FAM114A1: variants seen among roughly 807,000 people sequenced by gnomAD.
The protein encoded by FAM114A1 is family with sequence similarity 114 member A1, also known as protein NOXP20.
In FAM114A1, 62 loss-of-function variants were observed where a neutral mutation model predicts 64.3. The ratio of observed to expected loss-of-function variants is 0.96; its 90% CI spans 0.79 to 1.19. The LOEUF (loss-of-function observed/expected upper bound fraction) is 1.19. Ranked by LOEUF, FAM114A1 falls within the 50% of genes most tolerant of loss-of-function variation. The pLI, the probability that FAM114A1 is intolerant of heterozygous loss-of-function variation, is 0.00. For synonymous variants in FAM114A1, 254 were observed against 251.1 expected, an observed-to-expected ratio of 1.01 and a Z score of -0.11; for missense variants, 645 against 676.3, an observed-to-expected ratio of 0.95 and a Z score of 0.51.
intron 4 of FAM114A1, among the ~76,000 whole-genome samples, chr4:38,899,240 C>T (rs1025376303): frequency 3.3e-5 from 5 of 152,114 alleles, no homozygotes; most frequent in Admixed American, 2.0e-4. Context: ...AAGGGAGAAG[C>T]TGAACTGCAG....
chr4:38,902,041 T>C (rs1303147606), intron 4 of FAM114A1, among the ~76,000 whole-genome samples: 1 of 152,224 alleles, frequency 6.6e-6, no homozygotes, highest in Non-Finnish European at 1.5e-5. Context: ...TAAAATGACA[T>C]TTAATCAACT....
Position 38,931,546 on chromosome 4 carries a change from A to G in FAM114A1, c.1257A>G (p.Glu419=), listed in dbSNP as rs757552495. The change falls in exon 11 of 15, where the codon GAA becomes GAG. Residue 419 remains glutamate (E), a synonymous_variant. Coordinates refer to ENST00000358869, the MANE Select transcript of FAM114A1 (RefSeq NM_138389.4). ...KVSEEETKKE[E]KEEKSQDPQE... ...CCGAAGAAGAAACAAAGAAGGAAGA[A>G]AAGGAAGAGAAATCTCAAGACCCTC... 1 of 1,614,076 alleles carries G rather than the reference A, an allele frequency of 6.2e-7. No homozygotes were observed. The highest frequency in any genetic ancestry group is 1.1e-5 in the South Asian group (1 of 91,052).
chr4:38,892,805 G>A (rs1381849803), intron 4 of FAM114A1, among the ~76,000 whole-genome samples: 1 of 152,222 alleles, frequency 6.6e-6, no homozygotes, highest in Admixed American at 6.5e-5. Flanking sequence ...AACCAGGAAG[G>A]TCTTCAGGCC....
chr4:38,911,722 G>T (rs1270970061), intron 7 of FAM114A1, among the ~76,000 whole-genome samples: 1 of 151,800 alleles, frequency 6.6e-6, no homozygotes, highest in Non-Finnish European at 1.5e-5. Context: ...ACACACTAAA[G>T]AAATATATAA....
chr4:38,882,789 T>G (rs949272663), intron 3 of FAM114A1, among the ~76,000 whole-genome samples: 1 of 152,232 alleles, frequency 6.6e-6, no homozygotes, highest in Non-Finnish European at 1.5e-5. Flanking sequence ...TGTAAGTACC[T>G]GGATCTGGAT....
At chr4:38,914,240 G>A (rs918586769) in intron 7 of FAM114A1, among the ~76,000 whole-genome samples, 2 of 151,604 alleles carry the variant, frequency 1.3e-5, no homozygotes, top group Admixed American at 6.6e-5. Context: ...CATAAAACTC[G>A]CTCATTATAG....
At chr4:38,930,743 G>A (rs1486893756) in intron 10 of FAM114A1, among the ~76,000 whole-genome samples, 3 of 152,194 alleles carry the variant, frequency 2.0e-5, no homozygotes, top group Admixed American at 2.0e-4. Context: ...GATAAAATTG[G>A]AGTGAGTCTG....
At chr4:38,891,423 A>G (rs545635961) in intron 3 of FAM114A1, among the ~76,000 whole-genome samples, 2 of 152,252 alleles carry the variant, frequency 1.3e-5, no homozygotes, top group South Asian at 4.1e-4. Flanking sequence ...TTGTGCCCTC[A>G]TGCGTATCTT....
chr4:38,869,953 T>G (rs571947419), intron 2 of FAM114A1, among the ~76,000 whole-genome samples: 1 of 152,302 alleles, frequency 6.6e-6, no homozygotes, highest in South Asian at 2.1e-4. Flanking sequence ...CTTGTCCTCA[T>G]TTTTCTCTAT....
intron 13 of FAM114A1, among the ~76,000 whole-genome samples, chr4:38,936,818 T>A (rs1260248919): frequency 4.0e-5 from 6 of 151,006 alleles, no homozygotes; most frequent in Admixed American, 6.6e-5. Flanking sequence ...CCCAAACTGC[T>A]GGATTACAGG....
At chr4:38,903,507 T>C (rs952017253) in intron 4 of FAM114A1, among the ~76,000 whole-genome samples, 2 of 152,238 alleles carry the variant, frequency 1.3e-5, no homozygotes, top group African/African-American at 4.8e-5. Context: ...CTCAGAAATC[T>C]AGACGAGAAT....
At chr4:38,905,985 G>A in intron 6 of FAM114A1, 124 bp downstream of exon 6, 4 of 788,906 alleles carry the variant, frequency 5.1e-6, no homozygotes, top group Admixed American at 3.6e-5. Context: ...TTTGGATTAT[G>A]GTTTTTTTTT....
intron 7 of FAM114A1, 105 bp downstream of exon 7, chr4:38,908,831 A>T (rs1029263436): frequency 1.7e-6 from 2 of 1,164,438 alleles, no homozygotes; most frequent in African/African-American, 3.1e-5. Context: ...TTCAAATCAA[A>T]TGACACCAAA....
intron 4 of FAM114A1, among the ~76,000 whole-genome samples, chr4:38,898,986 A>G (rs1420199854): frequency 9.3e-6 from 1 of 107,472 alleles, no homozygotes; most frequent in Non-Finnish European, 2.3e-5. Context: ...TTATATATGT[A>G]ATATATGTTA....
intron 6 of FAM114A1, among the ~76,000 whole-genome samples, chr4:38,907,050 G>A (rs559412206): frequency 1.4e-4 from 22 of 152,234 alleles, no homozygotes; most frequent in African/African-American, 3.4e-4. Context: ...AATGTAATTC[G>A]GGAAGAGGTG....
At chr4:38,917,421 T>A (rs1719175196) in intron 8 of FAM114A1, among the ~76,000 whole-genome samples, 1 of 151,868 alleles carries the variant, frequency 6.6e-6, no homozygotes, top group Admixed American at 6.6e-5. Flanking sequence ...CCCCCTTACC[T>A]CAATCTCCTT....
At chr4:38,911,844 C>CTTTTT (rs771972308) in intron 7 of FAM114A1, among the ~76,000 whole-genome samples, 6 of 115,190 alleles carry the variant, frequency 5.2e-5, no homozygotes, top group Non-Finnish European at 5.4e-5. Context: ...TTTTTTTTTT[C>CTTTTT]TTTTTTTTTC....
At chr4:38,933,097 CT>C (rs1444399498) in intron 12 of FAM114A1, among the ~76,000 whole-genome samples, 1 of 152,114 alleles carries the variant, frequency 6.6e-6, no homozygotes, top group African/African-American at 2.4e-5. Context: ...TGTGATCTGC[CT>C]GCCTCGGCCT....
chr4:38,905,987 T>G (rs1363582956), intron 6 of FAM114A1, 126 bp downstream of exon 6: 25 of 676,556 alleles, frequency 3.7e-5, no homozygotes, highest in East Asian at 1.3e-4. Flanking sequence ...TGGATTATGG[T>G]TTTTTTTTTA....
Sources: allele counts gnomAD v4.1 joint callset (sites outside exome capture counted in the v4.1 genomes callset), GRCh38; gene constraint gnomAD v4.1.1; transcripts MANE v1.5; gene names NCBI Gene and HGNC (gene_info 2026-07-23, HGNC 2026-07-21).